Variants in USP37 observed in about 807,000 individuals in gnomAD.
USP37 encodes the protein ubiquitin specific peptidase 37, also known as ubiquitin carboxyl-terminal hydrolase 37.
USP37 carries 27 observed loss-of-function variants against 124.0 expected under a neutral mutation model. The observed-to-expected ratio is 0.22, with a 90% CI of 0.16 to 0.30. The LOEUF (loss-of-function observed/expected upper bound fraction) is 0.30. Ranked by LOEUF, USP37 falls within the 10% of genes least tolerant of loss-of-function variation. USP37 has a pLI of 1.00. For missense variants in USP37, 889 were observed against 1,140.4 expected, an observed-to-expected ratio of 0.78 and a Z score of 3.17; for synonymous variants, 365 against 388.0, an observed-to-expected ratio of 0.94 and a Z score of 0.70.
Position 218,510,020 on chromosome 2 carries a change from T to C in USP37, c.984A>G (p.Pro328=). 1 of 1,601,538 alleles carries C rather than the reference T, an allele frequency of 6.2e-7. No individual in the cohort carries two copies. Among genetic ancestry groups the C allele is most frequent in the Non-Finnish European group, 8.5e-7 (1 of 1,171,184 alleles). The change falls in exon 11 of 26, where the codon CCA becomes CCG. Residue 328 remains proline (P), a synonymous_variant. Transcript: ENST00000258399. The part of the protein sequence containing the change: ...CNQDYTGWNK[P]RVPLSSHQQQ... ...GTTGGTGAGAGGAAAGGGGCACTCT[T>C]GGTTTATTCCAGCCAGTGTAATCCT...
At chr2:218,456,292 T>C (rs185581859) in intron 24 of USP37, among the ~76,000 whole-genome samples, 1 of 151,326 alleles carries the variant, frequency 6.6e-6, no homozygotes, top group African/African-American at 2.4e-5. Context: ...ATACAAAAAA[T>C]TTAAAAAAAT....
At chr2:218,466,385 G>A (rs1384805933) in intron 20 of USP37, among the ~76,000 whole-genome samples, 1 of 152,126 alleles carries the variant, frequency 6.6e-6, no homozygotes, top group South Asian at 2.1e-4. Context: ...TTGTTGGGGT[G>A]AGGGGAGAAG....
intron 8 of USP37, among the ~76,000 whole-genome samples, chr2:218,535,809 C>A (rs577447435): frequency 6.6e-6 from 1 of 150,938 alleles, no homozygotes; most frequent in Non-Finnish European, 1.5e-5. Context: ...GAGCCAAGAT[C>A]GCGCCACTGC....
chr2:218,526,399 A>AT lies in USP37; in HGVS notation c.863+3556dup, dbSNP rs1379541806. On this transcript the variant is annotated intron_variant, in intron 10 of 25. Coordinates refer to ENST00000258399, the MANE Select transcript of USP37 (RefSeq NM_020935.3). ...AGGCACCTGCCACCACGCCCAGCTA[A>AT]TTTTTTTGTATTTTTAGTAGAGATG... Among the ~76,000 whole-genome samples, 3 of 151,530 alleles carry AT rather than the reference A, an allele frequency of 2.0e-5. No individual in the cohort carries two copies. In the East Asian group the frequency reaches 5.8e-4, roughly 30 times the overall value.
intron 2 of USP37, 101 bp from the exon 3 acceptor site, chr2:218,560,984 T>G (rs973284633): frequency 1.3e-5 from 2 of 152,214 alleles, no homozygotes; most frequent in African/African-American, 2.4e-5. Flanking sequence ...CAAAAATTTT[T>G]AAGTGCTTAC....
Position 218,546,230 on chromosome 2 carries a change from T to C in USP37, c.671A>G (p.Asp224Gly), listed in dbSNP as rs774866576. The C allele has an allele frequency of 1.3e-5, 21 of 1,608,608 alleles. No individual in the cohort carries two copies. The highest frequency in any genetic ancestry group is 1.8e-5 in the Non-Finnish European group (21 of 1,175,882). Residue 224 changes from aspartate to glycine, a missense_variant, in exon 8 of 26, where the codon GAT (aspartate) becomes GGT (glycine). This residue lies in a region of USP37 where 374 missense variants were observed against 386.0 expected (regional missense o/e 0.97). Transcript: ENST00000258399. ...ELNEDYPKENDSSSNNKAMTD... is the reference protein window; with the variant it reads ...ELNEDYPKENGSSSNNKAMTD... Reference sequence around the variant, plus strand: ...CCTTAAAGTAACTTACGATGATGAATCATTTTCCTTAGGGTAATCTTCATT... The same window carrying C: ...CCTTAAAGTAACTTACGATGATGAACCATTTTCCTTAGGGTAATCTTCATT...
chr2:218,484,367 A>G (rs1446335113), intron 16 of USP37, among the ~76,000 whole-genome samples: 2 of 151,972 alleles, frequency 1.3e-5, no homozygotes, highest in Non-Finnish European at 2.9e-5. Flanking sequence ...TATGCCTATA[A>G]TCCCAGCACT....
At chr2:218,557,930 CAAA>C (rs61488353) in intron 4 of USP37, among the ~76,000 whole-genome samples, 8 of 35,670 alleles carry the variant, frequency 2.2e-4, no homozygotes, top group East Asian at 2.3e-3. Flanking sequence ...GACTCTGTCT[CAAA>C]AAAAAAAAAA....
At chr2:218,563,614 A>G (rs1693428615) in intron 1 of USP37, among the ~76,000 whole-genome samples, 1 of 152,186 alleles carries the variant, frequency 6.6e-6, no homozygotes, top group African/African-American at 2.4e-5. Context: ...CTACCCGCAC[A>G]TCTCTCACTG....
intron 8 of USP37, among the ~76,000 whole-genome samples, chr2:218,537,772 T>G (rs1226444464): frequency 6.6e-6 from 1 of 152,100 alleles, no homozygotes; most frequent in Non-Finnish European, 1.5e-5. Context: ...AAAGACAATG[T>G]GTAGAGTCAC....
rs1216926987 is a variant in USP37 at position 218,532,954 on chromosome 2, A to T, written c.778+1655T>A. ...AAAAAAAAAAAGGTACTTTATTATT[A>T]TTTTTTTTTTAGACATAATGCTATT... On this transcript the variant is annotated intron_variant, in intron 9 of 25. Coordinates refer to ENST00000258399, the MANE Select transcript of USP37 (RefSeq NM_020935.3). Among the ~76,000 whole-genome samples, 29 of 148,784 alleles carry T rather than the reference A, an allele frequency of 1.9e-4. 1 individual carries two copies. Among genetic ancestry groups the T allele is most frequent in the Admixed American group, 1.5e-3 (22 of 14,870 alleles).
intron 7 of USP37, 112 bp downstream of exon 7, chr2:218,546,807 T>C (rs1692351509): frequency 8.3e-7 from 1 of 1,209,868 alleles, no homozygotes; most frequent in African/African-American, 1.6e-5. Flanking sequence ...AATCATTACA[T>C]CTACCAAAAA....
At chr2:218,482,294 A>G (rs1036674652) in intron 16 of USP37, 60 bp from the exon 17 acceptor site, 14 of 1,525,562 alleles carry the variant, frequency 9.2e-6, no homozygotes, top group Non-Finnish European at 8.8e-7. Context: ...TCTTTCTTAC[A>G]GTAAAAGAGA....
At chr2:218,528,673 T>C (rs1218634555) in intron 10 of USP37, 9 of 427,784 alleles carry the variant, frequency 2.1e-5, no homozygotes, top group African/African-American at 4.1e-5. Context: ...CTGTCTATCA[T>C]TGATGGGCAT....
rs138349572 is a variant in USP37 at position 218,495,491 on chromosome 2, G to A, written c.1472+269C>T. Among the ~76,000 whole-genome samples, 314 of 152,244 alleles carry A rather than the reference G, an allele frequency of 2.1e-3. 1 individual carries two copies. Among genetic ancestry groups the A allele is most frequent in the African/African-American group, 7.3e-3 (305 of 41,560 alleles). On this transcript the variant is annotated intron_variant, in intron 14 of 25. Transcript: ENST00000258399. ...CTGAAAAAAAGGTTTGATATAATCT[G>A]TTGGTTTATATTTCCCCTATGACGT... is the stretch of plus-strand genomic sequence containing the variant.
chr2:218,474,468 TCTC>T (rs1285435174), intron 20 of USP37, among the ~76,000 whole-genome samples, 159 bp downstream of exon 20: 1 of 152,118 alleles, frequency 6.6e-6, no homozygotes, highest in East Asian at 1.9e-4. Flanking sequence ...TCAAGCGAAT[TCTC>T]CTGCCTCAGC....
rs749143122 is a variant in USP37 at position 218,546,901 on chromosome 2, GAAAA to G, written c.602+14_602+17del. 4.4e-6 allele frequency: 7 copies of G among 1,600,906 alleles called. No homozygotes were observed. The highest frequency in any genetic ancestry group is 3.6e-5 in the Admixed American group (2 of 55,348). Reference sequence around the variant, plus strand: ...ATTTACAGATACAGCTAGTGACTAAGAAAAAAGTCTCTCCTACCGATTTTCTAGC... The same window carrying G: ...ATTTACAGATACAGCTAGTGACTAAGAAGTCTCTCCTACCGATTTTCTAGC... On this transcript the variant is annotated intron_variant, in intron 7 of 25. Coordinates refer to ENST00000258399, the MANE Select transcript of USP37 (RefSeq NM_020935.3).
At chr2:218,483,929 C>G (rs570372390) in intron 16 of USP37, among the ~76,000 whole-genome samples, 1 of 152,160 alleles carries the variant, frequency 6.6e-6, no homozygotes, top group East Asian at 1.9e-4. Flanking sequence ...GAGGCCGAGG[C>G]GGCCACATCA....
chr2:218,534,561 AATAT>A, intron 9 of USP37, 44 bp downstream of exon 9: 4 of 1,149,348 alleles, frequency 3.5e-6, no homozygotes, highest in Non-Finnish European at 4.8e-6. Flanking sequence ...TAATCTAATA[AATAT>A]ATAATAAATG....
Sources: allele counts gnomAD v4.1 joint callset (sites outside exome capture counted in the v4.1 genomes callset), GRCh38; gene constraint gnomAD v4.1.1; regional missense constraint gnomAD v4.1.1; transcripts MANE v1.5; gene names NCBI Gene and HGNC (gene_info 2026-07-23, HGNC 2026-07-21).